ROBO2: variants seen among roughly 807,000 people sequenced by gnomAD.
The protein encoded by ROBO2 is roundabout guidance receptor 2.
In ROBO2, 53 loss-of-function variants were observed where a neutral mutation model predicts 160.8. The observed-to-expected ratio is 0.33, with a 90% CI of 0.26 to 0.41. ROBO2 has a LOEUF of 0.41. Among genes scored for constraint, ROBO2 ranks in the 10% least tolerant of loss-of-function variants. The pLI is 1.00. For synonymous variants in ROBO2, 664 were observed against 611.7 expected, an observed-to-expected ratio of 1.09 and a Z score of -1.26; for missense variants, 1,577 against 1,722.4, an observed-to-expected ratio of 0.92 and a Z score of 1.49.
chr3:76,670,196 G>T (rs2092211473), intron 2 of ROBO2, among the ~76,000 whole-genome samples: 1 of 152,028 alleles, frequency 6.6e-6, no homozygotes, highest in Admixed American at 6.6e-5. Flanking sequence ...AAACTTGCAT[G>T]CAAGTTAGTT....
chr3:77,303,743 T>A (rs559873961), intron 2 of ROBO2, among the ~76,000 whole-genome samples: 2 of 152,038 alleles, frequency 1.3e-5, no homozygotes, highest in Admixed American at 6.6e-5. Context: ...AAAATCATCA[T>A]GTTGTACATC....
At chr3:77,089,420 T>C (rs1418132513) in intron 1 of ROBO2, among the ~76,000 whole-genome samples, 2 of 152,216 alleles carry the variant, frequency 1.3e-5, no homozygotes, top group South Asian at 2.1e-4. Flanking sequence ...AACTGGAAAC[T>C]TTCAGAATCA....
chr3:77,001,305 C>T (rs771075553), intron 2 of ROBO2, among the ~76,000 whole-genome samples: 20 of 152,070 alleles, frequency 1.3e-4, no homozygotes, highest in African/African-American at 4.1e-4. Flanking sequence ...CATCAGTTTA[C>T]GGACTTATTA....
At chr3:76,436,246 A>G (rs2076678043) in intron 2 of ROBO2, among the ~76,000 whole-genome samples, 1 of 151,454 alleles carries the variant, frequency 6.6e-6, no homozygotes, top group South Asian at 2.1e-4. Flanking sequence ...ACATGTGCAC[A>G]TTGTGCAGGT....
chr3:76,690,363 G>A (rs987295671), intron 2 of ROBO2, among the ~76,000 whole-genome samples: 2 of 151,998 alleles, frequency 1.3e-5, no homozygotes, highest in Non-Finnish European at 2.9e-5. Flanking sequence ...TGAATCATGA[G>A]AGCAGAGCCC....
At chr3:76,218,063 A>C (rs1250957544) in intron 2 of ROBO2, among the ~76,000 whole-genome samples, 1 of 152,222 alleles carries the variant, frequency 6.6e-6, no homozygotes, top group Non-Finnish European at 1.5e-5. Flanking sequence ...GACAAAAACC[A>C]GATGATTATC....
At chr3:77,163,830 A>G (rs955986829) in intron 2 of ROBO2, among the ~76,000 whole-genome samples, 1 of 152,314 alleles carries the variant, frequency 6.6e-6, no homozygotes, top group East Asian at 1.9e-4. Flanking sequence ...AAAAAAATCT[A>G]TATTTCAAAC....
intron 2 of ROBO2, among the ~76,000 whole-genome samples, chr3:76,791,248 T>A (rs543501114): frequency 1.2e-4 from 18 of 151,844 alleles, no homozygotes; most frequent in Non-Finnish European, 2.4e-4. Context: ...AATAAATAGA[T>A]GGACAGATAA....
At chr3:77,091,200 C>T (rs1043156247) in intron 1 of ROBO2, among the ~76,000 whole-genome samples, 2 of 152,150 alleles carry the variant, frequency 1.3e-5, no homozygotes, top group Non-Finnish European at 2.9e-5. Flanking sequence ...GAGACATTTA[C>T]TCTGTAACAC....
At chr3:75,958,670 G>T (rs916253851) in intron 2 of ROBO2, among the ~76,000 whole-genome samples, 1 of 151,572 alleles carries the variant, frequency 6.6e-6, no homozygotes, top group African/African-American at 2.4e-5. Flanking sequence ...AAAGTAGGTA[G>T]GATTTTATTA....
At chr3:77,439,878 T>G (rs1052633110) in intron 2 of ROBO2, among the ~76,000 whole-genome samples, 4 of 152,168 alleles carry the variant, frequency 2.6e-5, no homozygotes, top group Non-Finnish European at 5.9e-5. Context: ...ATACATATCA[T>G]ACCTCATCTC....
chr3:76,617,905 C>A (rs1406089717), intron 2 of ROBO2, among the ~76,000 whole-genome samples: 1 of 151,560 alleles, frequency 6.6e-6, no homozygotes, highest in Non-Finnish European at 1.5e-5. Flanking sequence ...AAAACCATCA[C>A]CCCATGATTC....
intron 2 of ROBO2, among the ~76,000 whole-genome samples, chr3:77,121,753 A>G (rs1472506368): frequency 1.3e-5 from 2 of 152,136 alleles, no homozygotes; most frequent in Non-Finnish European, 2.9e-5. Flanking sequence ...CAGGGTAATA[A>G]TTCTAAGTGT....
At chr3:76,588,525 A>G (rs1190238939) in intron 2 of ROBO2, among the ~76,000 whole-genome samples, 2 of 152,208 alleles carry the variant, frequency 1.3e-5, no homozygotes, top group African/African-American at 4.8e-5. Context: ...AAGCATTTCA[A>G]AAAGAACACA....
At chr3:77,025,206 A>G (rs1371261070) in intron 2 of ROBO2, among the ~76,000 whole-genome samples, 2 of 152,198 alleles carry the variant, frequency 1.3e-5, no homozygotes, top group Non-Finnish European at 2.9e-5. Flanking sequence ...TTTAAGGTCA[A>G]TTAATGTCCT....
In ROBO2 at chr3:77,294,367, C is replaced by T. The variant is rs145470504; in HGVS notation, c.389-183047C>T. Among the ~76,000 whole-genome samples the T allele has an allele frequency of 4.4e-3, 618 of 139,830 alleles. 82 individuals carry two copies. Among genetic ancestry groups the T allele is most frequent in the African/African-American group, 0.015 (507 of 34,688 alleles). The allele number at this position is 139,830 out of a possible 152,430, so 91.7% of individuals were successfully genotyped here. Reference sequence around the variant, plus strand: ...ACATAAAGTAAAATTGATGGTTAAACGGGTAAGCTGAGGCTAGGTCACCAA... The same window carrying T: ...ACATAAAGTAAAATTGATGGTTAAATGGGTAAGCTGAGGCTAGGTCACCAA... On this transcript the variant is annotated intron_variant, in intron 2 of 25. Coordinates refer to ENST00000461745, the Ensembl canonical transcript of ROBO2.
rs1191941265 is a variant in ROBO2, at chr3:77,451,539, C to G, written c.389-25875C>G. 4.6e-5 allele frequency among the ~76,000 whole-genome samples: 7 copies of G among 152,150 alleles called. No individual in the cohort carries two copies. In the East Asian group the frequency reaches 9.7e-4, roughly 21 times the overall value. On this transcript the variant is annotated intron_variant, in intron 2 of 25. Transcript: ENST00000461745. ...CATTGCATCCCAATGCTAGCTAGCT[C>G]AGTGCTTGCCCAAAGTGCAGTTTTA...
At chr3:76,929,851 G>A (rs2077226849) in intron 2 of ROBO2, among the ~76,000 whole-genome samples, 1 of 152,170 alleles carries the variant, frequency 6.6e-6, no homozygotes, top group South Asian at 2.1e-4. Context: ...AGACTCCAGT[G>A]TCTGTGGATC....
At chr3:76,178,151 T>A (rs2073296651) in intron 2 of ROBO2, among the ~76,000 whole-genome samples, 1 of 152,188 alleles carries the variant, frequency 6.6e-6, no homozygotes, top group Admixed American at 6.6e-5. Context: ...GTTAATATTA[T>A]AGACTTTTTT....
Sources: allele counts gnomAD v4.1 joint callset (sites outside exome capture counted in the v4.1 genomes callset), GRCh38; gene constraint gnomAD v4.1.1; transcripts MANE v1.5; gene names NCBI Gene and HGNC (gene_info 2026-07-23, HGNC 2026-07-21).